The following CHFR variants were observed in gnomAD, a reference collection of about 807,000 sequenced individuals.
CHFR encodes the protein checkpoint with forkhead and ring finger domains.
In CHFR, 57 loss-of-function variants were observed where a neutral mutation model predicts 87.6. The ratio of observed to expected loss-of-function variants is 0.65; its 90% CI spans 0.53 to 0.81. CHFR has a LOEUF of 0.81. CHFR is among the 30% of genes least tolerant of loss of function. The pLI, the probability that CHFR is intolerant of heterozygous loss-of-function variation, is 0.00. For synonymous variants in CHFR, 381 were observed against 359.2 expected (o/e 1.06, Z -0.69); for missense variants, 797 against 865.8 (o/e 0.92, Z 1.00).
chr12:132,877,093 G>A (rs1223443588), intron 3 of CHFR, among the ~76,000 whole-genome samples: 2 of 151,966 alleles, frequency 1.3e-5, no homozygotes, highest in African/African-American at 4.8e-5. Flanking sequence ...CCGCGCCCGG[G>A]CTGATAATAA....
chr12:132,885,596 G>A (rs78901493), intron 2 of CHFR, among the ~76,000 whole-genome samples: 31,194 of 151,952 alleles, frequency 0.21, 4,131 homozygotes, highest in Non-Finnish European at 0.3. Context: ...TAAACTCAAC[G>A]ACATATTTTC....
At chr12:132,843,688 C>T (rs3741492) in intron 16 of CHFR, among the ~76,000 whole-genome samples, 31,395 of 151,848 alleles carry the variant, frequency 0.21, 3,477 homozygotes, top group African/African-American at 0.27. Flanking sequence ...GAGTGCTGGC[C>T]GAGCGTGGTG....
chr12:132,865,021 GA>G (rs1219913159), intron 6 of CHFR, among the ~76,000 whole-genome samples: 2 of 152,208 alleles, frequency 1.3e-5, no homozygotes, highest in African/African-American at 4.8e-5. Context: ...ATGCACATGG[GA>G]CTTGGCCCTA....
chr12:132,835,555 A>G lies in CHFR; in HGVS notation c.*5999T>C, dbSNP rs11147101. On this transcript the variant is annotated 3_prime_UTR_variant, in exon 18 of 18. Transcript: ENST00000450056. ...TGTCCTCGCAGGAAGAGATTAGGGCACAAACACGCATGAAGAGAAGATGAC... is the reference window on the plus strand; with the variant it reads ...TGTCCTCGCAGGAAGAGATTAGGGCGCAAACACGCATGAAGAGAAGATGAC... 0.14 allele frequency: 24,280 copies of G among 168,614 alleles called. 2,200 individuals are homozygous for G. Among genetic ancestry groups the G allele is most frequent in the South Asian group, 0.22 (1,673 of 7,660 alleles). The allele number at this position is 168,614 out of a possible 1,614,324, so 10.4% of individuals were successfully genotyped here.
At chr12:132,879,380 T>G (rs549614443) in intron 2 of CHFR, among the ~76,000 whole-genome samples, 2 of 151,186 alleles carry the variant, frequency 1.3e-5, no homozygotes, top group East Asian at 3.9e-4. Context: ...TCTGACACTT[T>G]GGGATTTTTT....
At position 132,856,564 on chromosome 12, in the gene CHFR, A is replaced by G; in HGVS notation, c.1133T>C (p.Leu378Pro). Residue 378 changes from leucine to proline, a missense_variant, in exon 10 of 18, where the codon CTG (leucine) becomes CCG (proline). Around this residue, in one of 2 missense-constraint regions of CHFR, gnomAD observed 597 missense variants for 601.2 expected, o/e 0.99. Transcript: ENST00000450056. Reference sequence around the variant, plus strand: ...AAAAGACCGCCTGACTTTGGGCTGCAGCATGTCTTGAGTGATTTTATTTCT... The same window carrying G: ...AAAAGACCGCCTGACTTTGGGCTGCGGCATGTCTTGAGTGATTTTATTTCT... Reference protein sequence around the residue: ...DARNKITQDMLQPKVRRSFSD... With the variant: ...DARNKITQDMPQPKVRRSFSD... 6.2e-7 allele frequency: 1 copy of G among 1,614,222 alleles called. No individual in the cohort carries two copies. Among genetic ancestry groups the G allele is most frequent in the Non-Finnish European group, 8.5e-7 (1 of 1,180,002 alleles).
At chr12:132,862,661 GCT>G (rs1168747268) in intron 6 of CHFR, among the ~76,000 whole-genome samples, 1 of 151,938 alleles carries the variant, frequency 6.6e-6, no homozygotes, top group Non-Finnish European at 1.5e-5. Context: ...CTCACTGCAA[GCT>G]CCGCCTCCTG....
rs975110577 is a variant in CHFR, at chr12:132,836,936, G to T, written c.*4618C>A. 2.7e-6 allele frequency: 1 copy of T among 369,316 alleles called. No individual in the cohort carries two copies. Among genetic ancestry groups the T allele is most frequent in the Admixed American group, 3.5e-5 (1 of 28,408 alleles). 22.9% of individuals were successfully genotyped at this position (369,316 alleles called of 1,614,324 possible). A position where few individuals can be genotyped will look rare whatever the true frequency, so the allele number is the denominator to read the frequency against. ...ATCCCTGCTCTATTTTTTTGAGAGGGGGAGACAAACGGTAAACAGATGTTT... is the reference window on the plus strand; with the variant it reads ...ATCCCTGCTCTATTTTTTTGAGAGGTGGAGACAAACGGTAAACAGATGTTT... On this transcript the variant is annotated 3_prime_UTR_variant, in exon 18 of 18. Transcript: ENST00000450056.
At chr12:132,860,893 C>T (rs1257520973) in intron 7 of CHFR, among the ~76,000 whole-genome samples, 1 of 152,332 alleles carries the variant, frequency 6.6e-6, no homozygotes, top group Non-Finnish European at 1.5e-5. Flanking sequence ...GCTGGGATTA[C>T]AGGCATGCAC....
intron 3 of CHFR, among the ~76,000 whole-genome samples, chr12:132,876,435 C>T (rs1051044715): frequency 1.4e-4 from 21 of 152,160 alleles, no homozygotes; most frequent in African/African-American, 4.8e-4. Context: ...CAGACATGCT[C>T]AACTGGTAAG....
At chr12:132,847,765 G>A (rs752938242) in intron 14 of CHFR, 25 of 1,233,550 alleles carry the variant, frequency 2.0e-5, no homozygotes, top group South Asian at 3.7e-5. Flanking sequence ...GCTAAAGGGC[G>A]GCACCTTCAA....
intron 3 of CHFR, among the ~76,000 whole-genome samples, chr12:132,874,921 T>A (rs1346261511): frequency 4.3e-5 from 4 of 92,082 alleles, no homozygotes; most frequent in Admixed American, 2.3e-4. Flanking sequence ...CAGGCCCTGA[T>A]GTAGGCGGGA....
chr12:132,872,785 G>A (rs912395753), intron 3 of CHFR, among the ~76,000 whole-genome samples: 11 of 152,138 alleles, frequency 7.2e-5, no homozygotes, highest in South Asian at 2.1e-4. Context: ...TCACAACCCC[G>A]GTGAACTCAT....
At position 132,838,791 on chromosome 12, in the gene CHFR, T is replaced by G. The variant is rs1030877756; in HGVS notation, c.*2763A>C. 1.3e-5 allele frequency: 2 copies of G among 152,214 alleles called. No individual in the cohort carries two copies. The highest frequency in any genetic ancestry group is 4.8e-5 in the African/African-American group (2 of 41,426). 9.4% of individuals were successfully genotyped at this position (152,214 alleles called of 1,614,324 possible). ...GAGGACGAGGAAGTACAGAAGCTCA[T>G]GAAAAGACGGAATGAGTTCACGGCC... On this transcript the variant is annotated 3_prime_UTR_variant, in exon 18 of 18. Transcript: ENST00000450056.
intron 6 of CHFR, among the ~76,000 whole-genome samples, chr12:132,868,759 C>T (rs1341210974): frequency 4.0e-5 from 6 of 150,444 alleles, no homozygotes; most frequent in African/African-American, 1.2e-4. Context: ...CGAAAGCACA[C>T]GCAGCTGCCA....
intron 12 of CHFR, among the ~76,000 whole-genome samples, chr12:132,850,828 A>G (rs1413781074): frequency 1.3e-5 from 2 of 152,004 alleles, no homozygotes; most frequent in Non-Finnish European, 2.9e-5. Context: ...ACACTTTCAC[A>G]TATAAGAAGC....
chr12:132,842,584 G>T (rs1436824858), intron 17 of CHFR, among the ~76,000 whole-genome samples: 1 of 152,220 alleles, frequency 6.6e-6, no homozygotes, highest in Non-Finnish European at 1.5e-5. Context: ...AGATGGCGCT[G>T]TGAACCTCCT....
At position 132,861,133 on chromosome 12, in the gene CHFR, C is replaced by T. The variant is rs189397497; in HGVS notation, c.751+334G>A. On this transcript the variant is annotated intron_variant, in intron 7 of 17. Transcript: ENST00000450056. Reference sequence around the variant, plus strand: ...GCCTGACCTCAAGTGATTCTCCTGCCTTGGCCTCCCAGTGTTAGGATTACG... The same window carrying T: ...GCCTGACCTCAAGTGATTCTCCTGCTTTGGCCTCCCAGTGTTAGGATTACG... 4.7e-3 allele frequency among the ~76,000 whole-genome samples: 720 copies of T among 152,306 alleles called. 5 individuals carry two copies. The highest frequency in any genetic ancestry group is 0.017 in the South Asian group (80 of 4,826).
Position 132,853,461 on chromosome 12 carries a change from C to T in CHFR, c.1342G>A (p.Ala448Thr). 2 of 1,538,458 alleles carry T rather than the reference C, an allele frequency of 1.3e-6. No homozygotes were observed. The highest frequency in any genetic ancestry group is 1.4e-5 in the African/African-American group (1 of 71,020). The change falls in exon 11 of 18, where the codon GCA becomes ACA. Residue 448 changes from alanine to threonine, a missense_variant. Transcript: ENST00000450056. ...EPGAPQALGD[A>T]PSTSVSLTTA... is the part of the protein sequence containing the mutation. The stretch of plus-strand genomic sequence containing the variant: ...GTCAGGCTGACGGACGTGGAGGGTG[C>T]ATCCCCCAGGGCCTGTGGGGCTCCT...
Sources: gnomAD v4.1 joint callset for allele counts (sites outside exome capture counted in the v4.1 genomes callset) on GRCh38, gnomAD v4.1.1 for gene constraint, gnomAD v4.1.1 regional missense constraint, MANE v1.5 for transcripts, NCBI Gene and HGNC (gene_info 2026-07-23, HGNC 2026-07-21) for gene names.